NBEA: variants seen among roughly 807,000 people sequenced by gnomAD.
NBEA encodes the protein neurobeachin, also known as lysosomal-trafficking regulator 2.
In NBEA, 44 loss-of-function variants were observed where a neutral mutation model predicts 343.4. The ratio of observed to expected loss-of-function variants is 0.13; its 90% CI spans 0.10 to 0.16. The LOEUF is 0.16. Among genes scored for constraint, NBEA ranks in the 10% least tolerant of loss-of-function variants. The pLI, the probability that NBEA is intolerant of heterozygous loss-of-function variation, is 1.00. For synonymous variants in NBEA, 1,175 were observed against 1,238.7 expected, an observed-to-expected ratio of 0.95 and a Z score of 1.08; for missense variants, 2,555 against 3,631.3, an observed-to-expected ratio of 0.70 and a Z score of 7.62.
chr13:35,233,174 G>T (rs756106845), intron 34 of NBEA, among the ~76,000 whole-genome samples: 3 of 152,018 alleles, frequency 2.0e-5, no homozygotes, highest in Non-Finnish European at 4.4e-5. Context: ...AATCAAAATC[G>T]TATTTCTTTT....
chr13:34,954,306 T>C (rs1329847310), intron 1 of NBEA, among the ~76,000 whole-genome samples: 4 of 152,156 alleles, frequency 2.6e-5, no homozygotes, highest in African/African-American at 4.8e-5. Context: ...TGTTTACTTA[T>C]CAGACTGCAC....
chr13:35,069,702 A>G (rs866803129), intron 8 of NBEA, among the ~76,000 whole-genome samples: 1 of 152,150 alleles, frequency 6.6e-6, no homozygotes, highest in Non-Finnish European at 1.5e-5. Flanking sequence ...TAGAAAATGA[A>G]GATCTGAGCA....
At chr13:35,637,578 C>T (rs1309422881) in intron 49 of NBEA, among the ~76,000 whole-genome samples, 1 of 152,100 alleles carries the variant, frequency 6.6e-6, no homozygotes, top group African/African-American at 2.4e-5. Context: ...AATCCCAGCA[C>T]TTTGGGAGGC....
At position 35,161,758 on chromosome 13, in the gene NBEA, G is replaced by C. The variant is rs1487615752; in HGVS notation, c.3870G>C (p.Gln1290His). The change falls in exon 23 of 59, where the codon CAG becomes CAC. Residue 1290 changes from glutamine to histidine, a missense_variant. Coordinates refer to ENST00000379939, the MANE Select transcript of NBEA (RefSeq NM_001385012.1). ...ATCTTTTCCTTCTTTAGGCTGTGCA[G>C]GGTCGGTCTATCACCCAACAAGACC... Reference protein sequence around the residue: ...IQTTTTTQAVQGRSITQQDRD... With the variant: ...IQTTTTTQAVHGRSITQQDRD... 6.2e-7 allele frequency: 1 copy of C among 1,609,444 alleles called. No individual in the cohort carries two copies. Among genetic ancestry groups the C allele is most frequent in the Non-Finnish European group, 8.5e-7 (1 of 1,177,950 alleles).
intron 52 of NBEA, among the ~76,000 whole-genome samples, chr13:35,650,659 G>A (rs747259271): frequency 2.0e-5 from 3 of 152,098 alleles, no homozygotes; most frequent in Non-Finnish European, 2.9e-5. Context: ...CTGAGATCGC[G>A]CCACTGCACT....
intron 41 of NBEA, among the ~76,000 whole-genome samples, chr13:35,498,821 A>AT (rs1312608905): frequency 1.3e-5 from 2 of 152,066 alleles, no homozygotes; most frequent in Non-Finnish European, 2.9e-5. Context: ...TGCTCCATTA[A>AT]TTTTTTCCCC....
Position 35,476,507 on chromosome 13 carries a change from G to T in NBEA, c.6585+3971G>T, listed in dbSNP as rs1193014331. The T allele has an allele frequency of 6.0e-5, 40 of 667,180 alleles. No individual in the cohort carries two copies. In the South Asian group the frequency reaches 6.7e-4, roughly 11 times the overall value. 41.3% of individuals were successfully genotyped at this position (667,180 alleles called of 1,614,324 possible). The stretch of plus-strand genomic sequence containing the variant: ...CTCAGGAATAAAAAACAAAAGTTGC[G>T]CTGAGACCCAGCAAAGCTCTTCCAG... On this transcript the variant is annotated intron_variant, in intron 41 of 58. Coordinates refer to ENST00000379939, the MANE Select transcript of NBEA (RefSeq NM_001385012.1).
Position 35,015,127 on chromosome 13 carries a change from G to GAAAAAAAA in NBEA, c.295-25801_295-25794dup, listed in dbSNP as rs771271035. Among the ~76,000 whole-genome samples the GAAAAAAAA allele has an allele frequency of 3.3e-4, 6 of 18,326 alleles. 2 individuals carry two copies. The highest frequency in any genetic ancestry group is 4.8e-4 in the African/African-American group (2 of 4,156). 12.0% of individuals were successfully genotyped at this position (18,326 alleles called of 152,430 possible). A position where few individuals can be genotyped will look rare whatever the true frequency, so the allele number is the denominator to read the frequency against. ...TTCTCAACAAAAAGCAACGAGATCTGAAAAAAAAAAAACAAACAAAAAAAA... is the reference window on the plus strand; with the variant it reads ...TTCTCAACAAAAAGCAACGAGATCTGAAAAAAAAAAAAAAAAAAAACAAACAAAAAAAA... On this transcript the variant is annotated intron_variant, in intron 1 of 58. Coordinates refer to ENST00000379939, the MANE Select transcript of NBEA (RefSeq NM_001385012.1).
intron 34 of NBEA, among the ~76,000 whole-genome samples, chr13:35,278,769 G>C (rs1453819826): frequency 6.6e-6 from 1 of 152,182 alleles, no homozygotes; most frequent in Non-Finnish European, 1.5e-5. Context: ...TTAGCACAAG[G>C]ATTGGCAAAC....
rs750737127 is a variant in NBEA, at chr13:35,037,516, C to G, written c.295-3417C>G. Among the ~76,000 whole-genome samples the G allele has an allele frequency of 4.2e-4, 64 of 152,204 alleles. No homozygotes were observed. In the Middle Eastern group the frequency reaches 0.01, roughly 24 times the overall value. On this transcript the variant is annotated intron_variant, in intron 1 of 58. Transcript: ENST00000379939. ...TAGGTATTTATTGTACTCTTCATTG[C>G]CTGAGCTTATTTATAGCCACCCTTC...
chr13:34,955,071 A>G (rs540777969), intron 1 of NBEA, among the ~76,000 whole-genome samples: 3 of 152,152 alleles, frequency 2.0e-5, no homozygotes, highest in Non-Finnish European at 4.4e-5. Context: ...CAGGTAGGTT[A>G]AGATTCTATG....
intron 1 of NBEA, among the ~76,000 whole-genome samples, chr13:35,013,120 G>A (rs2061540368): frequency 6.6e-6 from 1 of 152,162 alleles, no homozygotes; most frequent in Non-Finnish European, 1.5e-5. Flanking sequence ...CAAATGATAT[G>A]AAATACTTGC....
At chr13:35,555,615 A>C (rs2079541052) in intron 44 of NBEA, among the ~76,000 whole-genome samples, 1 of 152,102 alleles carries the variant, frequency 6.6e-6, no homozygotes, top group Non-Finnish European at 1.5e-5. Context: ...CATGCTTGCA[A>C]ATCAAAAGGA....
chr13:35,118,919 T>C (rs953212373), intron 16 of NBEA, among the ~76,000 whole-genome samples: 2 of 152,008 alleles, frequency 1.3e-5, no homozygotes, highest in African/African-American at 4.8e-5. Flanking sequence ...AGGGGAAATG[T>C]TGTGCTCAGA....
rs554679955 is a variant in NBEA, at chr13:35,165,264, T to C, written c.4233+755T>C. On this transcript the variant is annotated intron_variant, in intron 24 of 58. Coordinates refer to ENST00000379939, the MANE Select transcript of NBEA (RefSeq NM_001385012.1). ...GCTTTTTCTACATGACTCTTTTTCTTACTGTTCTTTTGTTAATGCCACCAC... is the reference window on the plus strand; with the variant it reads ...GCTTTTTCTACATGACTCTTTTTCTCACTGTTCTTTTGTTAATGCCACCAC... Among the ~76,000 whole-genome samples the C allele has an allele frequency of 2.6e-5, 4 of 152,326 alleles. No individual in the cohort carries two copies. In the East Asian group the frequency reaches 7.7e-4, roughly 29 times the overall value.
chr13:35,048,584 G>T lies in NBEA; in HGVS notation c.745G>T (p.Ala249Ser). ...GTAGGCAATTGCCTTGCCTCCTATTGCAAAGTGGCCTTATCAGAATGGCTT... is the reference window on the plus strand; with the variant it reads ...GTAGGCAATTGCCTTGCCTCCTATTTCAAAGTGGCCTTATCAGAATGGCTT... ...SAAAIALPPIAKWPYQNGFTL... is the reference protein window; with the variant it reads ...SAAAIALPPISKWPYQNGFTL... The change falls in exon 5 of 59, where the codon GCA becomes TCA. Residue 249 changes from alanine to serine, a missense_variant. Ala to Ser is a moderately conservative substitution (Grantham distance 99). This residue lies in a region of NBEA where 185 missense variants were observed against 290.6 expected (regional missense o/e 0.64). Transcript: ENST00000379939. The T allele has an allele frequency of 1.2e-6, 2 of 1,605,936 alleles. 1 individual carries two copies. The highest frequency in any genetic ancestry group is 1.7e-6 in the Non-Finnish European group (2 of 1,174,456).
chr13:35,211,855 CTAAG>C (rs150212517), intron 33 of NBEA, among the ~76,000 whole-genome samples: 5,150 of 151,924 alleles, frequency 0.034, 88 homozygotes, highest in South Asian at 0.054. Context: ...AACAAACAAA[CTAAG>C]TAACTTTCAA....
chr13:35,188,571 T>C (rs2152735742), intron 30 of NBEA, among the ~76,000 whole-genome samples: 1 of 152,278 alleles, frequency 6.6e-6, no homozygotes. Context: ...CAGGAGTTTC[T>C]TTTTTTATGG....
intron 34 of NBEA, among the ~76,000 whole-genome samples, chr13:35,244,283 AT>A (rs1323033816): frequency 1.3e-5 from 2 of 151,856 alleles, no homozygotes; most frequent in East Asian, 1.9e-4. Context: ...AAAAATCAAT[AT>A]TTTTTTATAA....
Sources: gnomAD v4.1 joint callset for allele counts (sites outside exome capture counted in the v4.1 genomes callset) on GRCh38, gnomAD v4.1.1 for gene constraint, gnomAD v4.1.1 regional missense constraint, MANE v1.5 for transcripts, NCBI Gene and HGNC (gene_info 2026-07-23, HGNC 2026-07-21) for gene names.